Variants in SPATA6L observed in about 807,000 individuals in gnomAD.
SPATA6L encodes spermatogenesis associated 6 like.
A neutral mutation model predicts 49.2 loss-of-function variants in SPATA6L; 68 were observed. The ratio of observed to expected loss-of-function variants is 1.38; its 90% CI spans 1.14 to 1.69. SPATA6L has a LOEUF of 1.69. Among genes scored for constraint, SPATA6L ranks in the 40% most tolerant of loss-of-function variants. The probability of loss-of-function intolerance (pLI) is 0.00; values close to 1 mark genes in which losing one functional copy is unlikely to be tolerated. For synonymous variants in SPATA6L, 198 were observed against 165.7 expected, an observed-to-expected ratio of 1.19 and a Z score of -1.50; for missense variants, 668 against 464.3, an observed-to-expected ratio of 1.44 and a Z score of -4.03.
intron 7 of SPATA6L, among the ~76,000 whole-genome samples, chr9:4,619,853 G>C (rs1828868516): frequency 6.6e-6 from 1 of 152,072 alleles, no homozygotes; most frequent in Admixed American, 6.5e-5. Flanking sequence ...AGGTAATAAA[G>C]ACACAGAGAG....
rs890883545 is a variant in SPATA6L, at chr9:4,635,882, T to C, written c.227-483A>G. On this transcript the variant is annotated intron_variant, in intron 3 of 11. Coordinates refer to ENST00000682582, the MANE Select transcript of SPATA6L (RefSeq NM_001353486.2). ...AGGGGTACCAACCCCGAGGACATTT[T>C]GGACATTTGTGGAAATATTTCAGGG... Among the ~76,000 whole-genome samples the C allele has an allele frequency of 6.6e-5, 10 of 152,200 alleles. No homozygotes were observed. The South Asian group carries it at 8.3e-4, about 13-fold the overall frequency.
intron 3 of SPATA6L, among the ~76,000 whole-genome samples, chr9:4,647,051 C>T (rs776214590): frequency 2.0e-5 from 3 of 151,442 alleles, no homozygotes; most frequent in Non-Finnish European, 4.4e-5. Context: ...TGCACATATA[C>T]CCCTAAACCT....
chr9:4,628,851 C>T (rs1432424381), intron 5 of SPATA6L: 1 of 394,982 alleles, frequency 2.5e-6, no homozygotes, highest in Non-Finnish European at 4.4e-6. Context: ...GTAATTTTAG[C>T]TTCTGAATCA....
downstream of SPATA6L, among the ~76,000 whole-genome samples, chr9:4,594,430 T>C (rs189463266): frequency 4.9e-3 from 750 of 152,276 alleles, 8 homozygotes; most frequent in African/African-American, 0.017. Flanking sequence ...GCCAGGATGG[T>C]CTTGATCTCC....
chr9:4,663,003 T>C (rs2130809482), intron 1 of SPATA6L: 1 of 1,613,358 alleles, frequency 6.2e-7, no homozygotes, highest in South Asian at 1.1e-5. Flanking sequence ...CAAGTACTCC[T>C]TCCCCTCGGG....
chr9:4,662,776 T>G lies in SPATA6L; in HGVS notation c.40-740A>C, dbSNP rs372231583. ...TCGTGGGGCAGCGTGCGACCCCTTA[T>G]GAAGCTGCTGGAGATCTCGGGACAC... On this transcript the variant is annotated intron_variant, in intron 1 of 11. Coordinates refer to ENST00000682582, the MANE Select transcript of SPATA6L (RefSeq NM_001353486.2). The surrounding 1 kb of genome is among the most constrained non-coding windows in gnomAD (Gnocchi z 4.9). The G allele has an allele frequency of 2.5e-6, 4 of 1,605,116 alleles. No individual in the cohort carries two copies. The East Asian group carries it at 6.7e-5, about 27-fold the overall frequency.
At chr9:4,661,872 A>G in intron 2 of SPATA6L, 27 bp downstream of exon 2, 1 of 1,611,696 alleles carries the variant, frequency 6.2e-7, no homozygotes, top group Non-Finnish European at 8.5e-7. Context: ...TTCAGACAAC[A>G]AAAGCCAATG....
intron 3 of SPATA6L, among the ~76,000 whole-genome samples, chr9:4,637,049 G>T (rs555576961): frequency 6.6e-6 from 1 of 152,032 alleles, no homozygotes; most frequent in Non-Finnish European, 1.5e-5. Flanking sequence ...GCTTCCCATC[G>T]CATTAGAATA....
At chr9:4,657,522 G>T (rs1379883742) in intron 2 of SPATA6L, among the ~76,000 whole-genome samples, 1 of 151,360 alleles carries the variant, frequency 6.6e-6, no homozygotes, top group Non-Finnish European at 1.5e-5. Flanking sequence ...AAAAATTTGA[G>T]CACAGAAACT....
Position 4,635,311 on chromosome 9 carries a change from A to G in SPATA6L, c.315T>C (p.Cys105=), listed in dbSNP as rs1412467601. The G allele has an allele frequency of 3.2e-6, 5 of 1,577,106 alleles. No individual in the cohort carries two copies. The African/African-American group carries it at 7.0e-5, about 22-fold the overall frequency. The change falls in exon 4 of 12, where the codon TGT becomes TGC. Residue 105 remains cysteine (C), a synonymous_variant. Coordinates refer to ENST00000682582, the MANE Select transcript of SPATA6L (RefSeq NM_001353486.2). ...GAGCCGTCTTCATGAGCACCTCCCT[A>G]CACCTCCTAGGGTGCGAAGGTGTCA... ...PKLTPSHPRR[C]REVLMKTALG...
At chr9:4,611,754 T>A (rs563109532) in intron 9 of SPATA6L, among the ~76,000 whole-genome samples, 1 of 151,972 alleles carries the variant, frequency 6.6e-6, no homozygotes, top group South Asian at 2.1e-4. Flanking sequence ...CATATGTAAC[T>A]AACCTGCACA....
chr9:4,632,978 A>C (rs1831948438), intron 4 of SPATA6L: 1 of 152,290 alleles, frequency 6.6e-6, no homozygotes, highest in Non-Finnish European at 1.5e-5. Context: ...TAAATACATT[A>C]ACTGTTACTT....
At chr9:4,660,099 C>T (rs1295889139) in intron 2 of SPATA6L, among the ~76,000 whole-genome samples, 1 of 152,242 alleles carries the variant, frequency 6.6e-6, no homozygotes, top group Admixed American at 6.5e-5. Flanking sequence ...CTAAGCAATA[C>T]CATTCAGGAC....
At chr9:4,626,666 C>A in intron 5 of SPATA6L, 1 of 929,276 alleles carries the variant, frequency 1.1e-6, no homozygotes. Context: ...TTAAATCTTT[C>A]TGTTACAGTC....
intron 4 of SPATA6L, among the ~76,000 whole-genome samples, chr9:4,629,902 C>T (rs1831181107): frequency 6.6e-6 from 1 of 150,710 alleles, no homozygotes; most frequent in South Asian, 2.1e-4. Flanking sequence ...AAACTAGAAA[C>T]AATCCAAACA....
intron 2 of SPATA6L, among the ~76,000 whole-genome samples, 154 bp downstream of exon 2, chr9:4,661,745 G>T (rs1175593430): frequency 3.5e-5 from 2 of 56,410 alleles, no homozygotes; most frequent in Non-Finnish European, 8.4e-5. Context: ...ACAAAAGCAA[G>T]TGTTCCGACT....
At chr9:4,645,775 G>A (rs893917025) in intron 3 of SPATA6L, among the ~76,000 whole-genome samples, 1 of 152,164 alleles carries the variant, frequency 6.6e-6, no homozygotes, top group Non-Finnish European at 1.5e-5. Context: ...CTATTTATAT[G>A]AAATGTCTAG....
intron 2 of SPATA6L, among the ~76,000 whole-genome samples, chr9:4,659,159 T>G (rs1002559742): frequency 1.3e-5 from 2 of 152,278 alleles, no homozygotes; most frequent in Middle Eastern, 3.4e-3. Flanking sequence ...ATCCAGCCAG[T>G]TTGGTACATT....
At chr9:4,618,501 A>T (rs929286813) in intron 8 of SPATA6L, among the ~76,000 whole-genome samples, 5 of 152,222 alleles carry the variant, frequency 3.3e-5, no homozygotes, top group Non-Finnish European at 7.3e-5. Context: ...GTTGTTACAT[A>T]GAAGTTTGAG....
Sources: allele counts gnomAD v4.1 joint callset (sites outside exome capture counted in the v4.1 genomes callset), GRCh38; gene constraint gnomAD v4.1.1; non-coding constraint Gnocchi (gnomAD v3.1); transcripts MANE v1.5; gene names NCBI Gene and HGNC (gene_info 2026-07-23, HGNC 2026-07-21).